Variants in WASHC4 observed in about 807,000 individuals in gnomAD.
WASHC4 encodes WASH complex subunit 7.
A neutral mutation model predicts 166.6 loss-of-function variants in WASHC4; 86 were observed. The ratio of observed to expected loss-of-function variants is 0.52; its 90% confidence interval spans 0.43 to 0.62. The LOEUF is 0.62. WASHC4 is among the 20% of genes least tolerant of loss of function. The pLI is 0.00. For missense variants in WASHC4, 1,262 were observed against 1,382.4 expected (o/e 0.91, Z 1.38); for synonymous variants, 446 against 451.6 (o/e 0.99, Z 0.16).
chr12:105,155,072 A>G (rs1034624945), intron 26 of WASHC4: 1 of 152,136 alleles, frequency 6.6e-6, no homozygotes, highest in African/African-American at 2.4e-5. Context: ...TAATTTCAAT[A>G]AAGTTCAATT....
chr12:105,154,779 A>G (rs1166860728), intron 26 of WASHC4, among the ~76,000 whole-genome samples: 1 of 152,182 alleles, frequency 6.6e-6, no homozygotes, highest in Non-Finnish European at 1.5e-5. Flanking sequence ...CTGGCTTCAG[A>G]GCTTTTACTC....
In WASHC4 at chr12:105,118,432, C is replaced by T. The variant is rs374225870; in HGVS notation, c.436-14C>T. On this transcript the variant is annotated splice_polypyrimidine_tract_variant and intron_variant, in intron 6 of 32. Transcript: ENST00000332180. ...AGAGTAACTTTATAATATATACCCA[C>T]CTTCTCGTTTCAGGAACTGTCTTGC... 3.2e-6 allele frequency: 5 copies of T among 1,584,412 alleles called. No homozygotes were observed. Among genetic ancestry groups the T allele is most frequent in the African/African-American group, 1.3e-5 (1 of 74,268 alleles).
intron 25 of WASHC4, among the ~76,000 whole-genome samples, chr12:105,151,173 A>G (rs1321309561): frequency 1.4e-5 from 2 of 146,620 alleles, no homozygotes; most frequent in African/African-American, 2.5e-5. Flanking sequence ...AAAAAAAAGA[A>G]CGCCGTTTTC....
chr12:105,141,758 G>A (rs1882870001), intron 18 of WASHC4, among the ~76,000 whole-genome samples: 1 of 151,996 alleles, frequency 6.6e-6, no homozygotes, highest in Non-Finnish European at 1.5e-5. Flanking sequence ...TTTGAATTTT[G>A]GTTTCCAGCT....
At chr12:105,141,144 C>T in intron 17 of WASHC4, 23 bp from the exon 18 acceptor site, 1 of 1,610,226 alleles carries the variant, frequency 6.2e-7, no homozygotes, top group African/African-American at 1.3e-5. Context: ...AACTTCTCTG[C>T]CTTTTTTTCC....
At chr12:105,132,789 TGTGTG>T (rs1356989704) in intron 13 of WASHC4, among the ~76,000 whole-genome samples, 1 of 3,128 alleles carries the variant, frequency 3.2e-4, no homozygotes, top group Non-Finnish European at 7.9e-4. Context: ...AAAGAGGTAG[TGTGTG>T]TGTGTGTGTG....
At chr12:105,155,478 GGGT>G (rs1377924088) in intron 26 of WASHC4, among the ~76,000 whole-genome samples, 4 of 246 alleles carry the variant, frequency 0.016, no homozygotes, top group African/African-American at 0.057. Context: ...AGTAGCAGAG[GGGT>G]GCAAGATCGA....
chr12:105,127,928 C>T (rs748838130), intron 13 of WASHC4, among the ~76,000 whole-genome samples: 70 of 151,908 alleles, frequency 4.6e-4, no homozygotes, highest in Non-Finnish European at 9.1e-4. Context: ...TATAAAGAGC[C>T]CCTACGTTCC....
At chr12:105,112,330 A>G (rs1451093066) in intron 2 of WASHC4, among the ~76,000 whole-genome samples, 1 of 152,128 alleles carries the variant, frequency 6.6e-6, no homozygotes, top group Admixed American at 6.5e-5. Flanking sequence ...TTTTTCTACT[A>G]TTTGGCTGCT....
At chr12:105,144,161 T>C in intron 20 of WASHC4, 126 bp from the exon 21 acceptor site, 2 of 717,380 alleles carry the variant, frequency 2.8e-6, no homozygotes, top group Non-Finnish European at 2.3e-6. Flanking sequence ...AAATAAAGAC[T>C]TAGAATTTAT....
intron 9 of WASHC4, 21 bp from the exon 10 acceptor site, chr12:105,122,097 T>G: frequency 1.3e-6 from 2 of 1,552,922 alleles, no homozygotes; most frequent in Non-Finnish European, 1.8e-6. Context: ...ATTTAAGATG[T>G]TTCTCTTAAT....
chr12:105,144,060 T>C (rs925084307), intron 20 of WASHC4, among the ~76,000 whole-genome samples: 2 of 151,974 alleles, frequency 1.3e-5, no homozygotes, highest in East Asian at 3.8e-4. Flanking sequence ...TTTTATGCTT[T>C]AAGTTGCATA....
At chr12:105,147,230 A>G in intron 24 of WASHC4, 84 bp downstream of exon 24, 1 of 812,832 alleles carries the variant, frequency 1.2e-6, no homozygotes, top group African/African-American at 1.7e-5. Context: ...ATATTGCGGT[A>G]AACATACACT....
chr12:105,108,169 C>T (rs936948449), intron 1 of WASHC4, among the ~76,000 whole-genome samples: 1 of 152,170 alleles, frequency 6.6e-6, no homozygotes, highest in Admixed American at 6.5e-5. Context: ...CGGGGCGCGC[C>T]CGGGAGGCCC....
intron 26 of WASHC4, among the ~76,000 whole-genome samples, chr12:105,153,431 G>T (rs940935747): frequency 6.6e-6 from 1 of 152,182 alleles, no homozygotes; most frequent in Non-Finnish European, 1.5e-5. Context: ...TTTAGTACAA[G>T]AACTTGGAGG....
intron 25 of WASHC4, among the ~76,000 whole-genome samples, chr12:105,150,441 A>C (rs1198247587): frequency 6.6e-6 from 1 of 152,232 alleles, no homozygotes; most frequent in Non-Finnish European, 1.5e-5. Context: ...CATATTGCCT[A>C]GCACTCCAAA....
chr12:105,147,156 T>A lies in WASHC4; in HGVS notation c.2514+10T>A. ...AATTATGAATACAACTGTAAGAACT[T>A]TTCTTTGGGGGTTGAGTGGGTAATA... On this transcript the variant is annotated intron_variant, in intron 24 of 32. Transcript: ENST00000332180. 6.5e-7 allele frequency: 1 copy of A among 1,528,888 alleles called. No homozygotes were observed. Among genetic ancestry groups the A allele is most frequent in the Non-Finnish European group, 9.1e-7 (1 of 1,102,282 alleles). The allele number at this position is 1,528,888 out of a possible 1,614,324, so 94.7% of individuals were successfully genotyped here.
At chr12:105,116,781 A>G (rs1880224316) in intron 6 of WASHC4, among the ~76,000 whole-genome samples, 1 of 152,186 alleles carries the variant, frequency 6.6e-6, no homozygotes, top group South Asian at 2.1e-4. Flanking sequence ...AGAATTGGTT[A>G]CCCAGGAGTT....
At chr12:105,159,796 A>G (rs763218571) in intron 28 of WASHC4, among the ~76,000 whole-genome samples, 13 of 152,208 alleles carry the variant, frequency 8.5e-5, no homozygotes, top group Admixed American at 2.6e-4. Context: ...CTAATAGTCT[A>G]TTTTTGGGAC....
Sources: gnomAD v4.1 joint callset for allele counts (sites outside exome capture counted in the v4.1 genomes callset) on GRCh38, gnomAD v4.1.1 for gene constraint, MANE v1.5 for transcripts, NCBI Gene and HGNC (gene_info 2026-07-23, HGNC 2026-07-21) for gene names.